Variants in SVEP1 observed in about 807,000 individuals in gnomAD.
SVEP1 encodes the protein sushi, von Willebrand factor type A, EGF and pentraxin domain-containing protein 1.
SVEP1 carries 164 observed loss-of-function variants against 367.3 expected under a neutral mutation model. The ratio of observed to expected loss-of-function variants is 0.45; its 90% CI spans 0.39 to 0.51. The LOEUF is 0.51. SVEP1 is among the 20% of genes least tolerant of loss of function. SVEP1 has a pLI of 0.00. For synonymous variants in SVEP1, 1,666 were observed against 1,611.6 expected (o/e 1.03, Z -0.81); for missense variants, 4,117 against 4,425.3 (o/e 0.93, Z 1.98).
chr9:110,577,670 G>A (rs890750105), intron 1 of SVEP1, among the ~76,000 whole-genome samples: 1 of 151,886 alleles, frequency 6.6e-6, no homozygotes, highest in Non-Finnish European at 1.5e-5. Context: ...GCAGTGAACT[G>A]GAAAAACATT....
chr9:110,566,630 G>GT (rs1830497594), intron 1 of SVEP1, among the ~76,000 whole-genome samples: 1 of 152,170 alleles, frequency 6.6e-6, no homozygotes, highest in Non-Finnish European at 1.5e-5. Flanking sequence ...AGGGAAAACT[G>GT]TGACTCTATA....
chr9:110,522,933 G>T (rs1829894802), intron 3 of SVEP1, among the ~76,000 whole-genome samples: 1 of 152,090 alleles, frequency 6.6e-6, no homozygotes, highest in African/African-American at 2.4e-5. Flanking sequence ...TCCATACATA[G>T]GTTGCCTTTT....
intron 1 of SVEP1, among the ~76,000 whole-genome samples, chr9:110,576,595 G>T (rs919331494): frequency 1.3e-5 from 2 of 151,788 alleles, no homozygotes; most frequent in African/African-American, 4.8e-5. Flanking sequence ...GAGAAAAAAA[G>T]AATCAAAGAG....
chr9:110,406,188 G>C lies in SVEP1; in HGVS notation c.9412C>G (p.His3138Asp), dbSNP rs781130206. Residue 3138 changes from histidine to aspartate, a missense_variant, in exon 38 of 48, where the codon CAC becomes GAC. Physicochemically the swap from His to Asp is moderately conservative, Grantham distance 81. Transcript: ENST00000374469. ...AGTTTCACTTCACTTTCATAGGTGT[G>C]TGCCTCTCCAGTTGCCACTGCATTG... ...VANAVATGEAHTYESEVKLRC... is the reference protein window; with the variant it reads ...VANAVATGEADTYESEVKLRC... 6.3e-7 allele frequency: 1 copy of C among 1,597,022 alleles called. No individual in the cohort carries two copies. The highest frequency in any genetic ancestry group is 1.3e-5 in the African/African-American group (1 of 74,608).
At chr9:110,382,891 G>T (rs1357453686) in intron 43 of SVEP1, among the ~76,000 whole-genome samples, 1 of 152,146 alleles carries the variant, frequency 6.6e-6, no homozygotes, top group East Asian at 1.9e-4. Context: ...CTCGTGTTGT[G>T]TTTTTCAGCT....
intron 39 of SVEP1, among the ~76,000 whole-genome samples, chr9:110,402,546 G>A (rs1258569901): frequency 1.3e-5 from 2 of 152,026 alleles, no homozygotes; most frequent in African/African-American, 4.8e-5. Flanking sequence ...GTCATACTAT[G>A]TGTGAAGAAA....
At chr9:110,403,295 C>CGTTTTT in intron 39 of SVEP1, among the ~76,000 whole-genome samples, 1 of 36,910 alleles carries the variant, frequency 2.7e-5, no homozygotes, top group South Asian at 1.1e-3. Context: ...CCGCCACCGC[C>CGTTTTT]GTTTTTTTTT....
chr9:110,559,604 G>T (rs1017443409), intron 1 of SVEP1, among the ~76,000 whole-genome samples: 3 of 151,678 alleles, frequency 2.0e-5, no homozygotes, highest in African/African-American at 7.3e-5. Context: ...TATTTTTGTT[G>T]GGAATACCAC....
chr9:110,518,750 A>G (rs1829840114), intron 3 of SVEP1, among the ~76,000 whole-genome samples: 1 of 152,146 alleles, frequency 6.6e-6, no homozygotes, highest in South Asian at 2.1e-4. Context: ...CGTTACTTTT[A>G]TCTTAGATGC....
chr9:110,404,348 T>G lies in SVEP1; in HGVS notation c.9645A>C (p.Gly3215=). 6.2e-7 allele frequency: 1 copy of G among 1,613,970 alleles called. No homozygotes were observed. The highest frequency in any genetic ancestry group is 8.5e-7 in the Non-Finnish European group (1 of 1,179,866). Residue 3215 remains glycine (G), a synonymous_variant, in exon 39 of 48, where the codon GGA becomes GGC. Coordinates refer to ENST00000374469, the MANE Select transcript of SVEP1 (RefSeq NM_153366.4). ...TTACCTGACATACTGATATGTTAAC[T>G]CCCTCAAAGGTATACCCTTCTGCAC... ...VSCAEGYTFE[G]VNISVCQLDG...
chr9:110,540,479 C>G (rs532677702), intron 3 of SVEP1, among the ~76,000 whole-genome samples: 12 of 151,982 alleles, frequency 7.9e-5, no homozygotes, highest in Admixed American at 6.6e-5. Flanking sequence ...AATACCAATG[C>G]TTTTGTAAAA....
At chr9:110,498,088 T>C (rs1021184647) in intron 7 of SVEP1, among the ~76,000 whole-genome samples, 2 of 152,250 alleles carry the variant, frequency 1.3e-5, no homozygotes, top group African/African-American at 4.8e-5. Flanking sequence ...CTACATTTCC[T>C]TGTGGCATTT....
At chr9:110,490,390 T>C (rs956852440) in intron 8 of SVEP1, among the ~76,000 whole-genome samples, 3 of 152,172 alleles carry the variant, frequency 2.0e-5, no homozygotes, top group Non-Finnish European at 4.4e-5. Context: ...TATCGTAAAC[T>C]ATGGTCACCC....
At chr9:110,434,080 C>A (rs1418023519) in intron 30 of SVEP1, among the ~76,000 whole-genome samples, 2 of 152,162 alleles carry the variant, frequency 1.3e-5, no homozygotes, top group Non-Finnish European at 2.9e-5. Context: ...GGGCCTCTAC[C>A]TGTAGGGTGT....
chr9:110,368,557 C>A, intron 47 of SVEP1, among the ~76,000 whole-genome samples: 1 of 152,282 alleles, frequency 6.6e-6, no homozygotes, highest in East Asian at 1.9e-4. Context: ...GAACTCCTAT[C>A]GACAGTTTTT....
At chr9:110,469,991 A>C (rs1828991037) in intron 16 of SVEP1, among the ~76,000 whole-genome samples, 1 of 152,242 alleles carries the variant, frequency 6.6e-6, no homozygotes. Flanking sequence ...TGGACTAGCA[A>C]TAAGAACTGT....
chr9:110,394,498 C>T (rs976485061), intron 40 of SVEP1, among the ~76,000 whole-genome samples: 1 of 152,178 alleles, frequency 6.6e-6, no homozygotes, highest in Non-Finnish European at 1.5e-5. Flanking sequence ...CAAAGCTGGA[C>T]AGAGAATGAC....
Position 110,366,485 on chromosome 9 carries a change from A to G in SVEP1, c.*54T>C. 6.7e-7 allele frequency: 1 copy of G among 1,484,672 alleles called. No individual in the cohort carries two copies. Among genetic ancestry groups the G allele is most frequent in the Non-Finnish European group, 9.0e-7 (1 of 1,116,720 alleles). 92.0% of individuals were successfully genotyped at this position (1,484,672 alleles called of 1,614,324 possible). ...TGCATAAGTTCCAGGATGCCCAGGC[A>G]CTACCGAGGAGAGATGATCCTGCTT... is the stretch of plus-strand genomic sequence containing the variant. On this transcript the variant is annotated 3_prime_UTR_variant, in exon 48 of 48. Coordinates refer to ENST00000374469, the MANE Select transcript of SVEP1 (RefSeq NM_153366.4).
intron 3 of SVEP1, among the ~76,000 whole-genome samples, chr9:110,531,090 G>A (rs1308508015): frequency 1.3e-5 from 2 of 152,032 alleles, no homozygotes; most frequent in Non-Finnish European, 2.9e-5. Context: ...TTTTCCAAGT[G>A]AATGATAATA....
Sources: allele counts gnomAD v4.1 joint callset (sites outside exome capture counted in the v4.1 genomes callset), GRCh38; gene constraint gnomAD v4.1.1; transcripts MANE v1.5; gene names NCBI Gene and HGNC (gene_info 2026-07-23, HGNC 2026-07-21).